The following CENPN variants were observed in gnomAD, a reference collection of about 807,000 sequenced individuals.
CENPN encodes interphase centromere complex protein 32.
In CENPN, 36 loss-of-function variants were observed where a neutral mutation model predicts 48.6. The observed-to-expected ratio is 0.74, with a 90% CI of 0.57 to 0.98. The LOEUF (loss-of-function observed/expected upper bound fraction) is 0.98, where lower values mean the gene tolerates loss of function less well. Among genes scored for constraint, CENPN ranks in the 50% least tolerant of loss-of-function variants. CENPN has a pLI of 0.00. For synonymous variants in CENPN, 166 were observed against 135.2 expected, an observed-to-expected ratio of 1.23 and a Z score of -1.58; for missense variants, 439 against 399.2, an observed-to-expected ratio of 1.10 and a Z score of -0.85.
chr16:81,014,910 A>G (rs140001223), intron 3 of CENPN, among the ~76,000 whole-genome samples: 2 of 152,328 alleles, frequency 1.3e-5, no homozygotes, highest in East Asian at 3.9e-4. Flanking sequence ...AGCATTTAGT[A>G]AGTTACATGA....
Position 81,028,607 on chromosome 16 carries a change from A to G in CENPN, c.976A>G (p.Ile326Val). 1 of 1,611,544 alleles carries G rather than the reference A, an allele frequency of 6.2e-7. No individual in the cohort carries two copies. The change falls in exon 11 of 11, where the codon ATA (isoleucine) becomes GTA (valine). Residue 326 changes from isoleucine to valine, a missense_variant. Ile to Val is a conservative substitution (Grantham distance 29). Transcript: ENST00000305850. ...DAPLSPLLTC[I>V]PNKRMNYFKI... ...TCCACTTTCTCCACTGCTCACTTGC[A>G]TACCCAACAAGAGAATGAATTATTT...
At chr16:81,028,427 A>G (rs1970612087) in intron 10 of CENPN, 130 bp downstream of exon 10, 2 of 1,465,160 alleles carry the variant, frequency 1.4e-6, no homozygotes, top group African/African-American at 1.4e-5. Context: ...TCTCTCTTGC[A>G]TCTTCTGCTT....
intron 2 of CENPN, 81 bp from the exon 3 acceptor site, chr16:81,014,054 TA>T: frequency 1.7e-6 from 2 of 1,151,918 alleles, no homozygotes; most frequent in Non-Finnish European, 2.6e-6. Flanking sequence ...TAGTCTGTTC[TA>T]ACCAATCCTA....
chr16:81,025,324 A>ACT (rs1318274604), intron 8 of CENPN, among the ~76,000 whole-genome samples: 11 of 152,356 alleles, frequency 7.2e-5, no homozygotes, highest in Non-Finnish European at 1.6e-4. Context: ...ACCCAAGAGA[A>ACT]AAGAGTACAG....
intron 5 of CENPN, among the ~76,000 whole-genome samples, chr16:81,019,134 T>A (rs143806017): frequency 8.0e-4 from 122 of 152,352 alleles, no homozygotes; most frequent in African/African-American, 2.8e-3. Flanking sequence ...AGGAATAGTA[T>A]ATTTTCAAGC....
At chr16:81,028,325 A>G (rs1380468224) in intron 10 of CENPN, 28 bp downstream of exon 10, 2 of 1,609,312 alleles carry the variant, frequency 1.2e-6, no homozygotes, top group Admixed American at 3.4e-5. Context: ...TCTATAAGCT[A>G]GAAAAATTAA....
chr16:81,023,146 A>G (rs1341305341), intron 7 of CENPN: 4 of 345,948 alleles, frequency 1.2e-5, no homozygotes, highest in African/African-American at 8.5e-5. Flanking sequence ...TGTTAAAATA[A>G]TTTGAATGTA....
At chr16:81,032,711 C>T (rs1271206044), downstream of CENPN, 18 of 1,593,080 alleles carry the variant, frequency 1.1e-5, no homozygotes, top group Non-Finnish European at 1.5e-5. Flanking sequence ...GATGTCACAA[C>T]ATTTAGACAT....
chr16:81,022,309 T>G, intron 6 of CENPN: 1 of 343,056 alleles, frequency 2.9e-6, no homozygotes, highest in Non-Finnish European at 5.4e-6. Context: ...ATTTTGAGTA[T>G]TTATTGTTTA....
chr16:81,021,769 T>TG (rs1240999195), intron 6 of CENPN, among the ~76,000 whole-genome samples: 2 of 151,982 alleles, frequency 1.3e-5, no homozygotes, highest in East Asian at 3.9e-4. Flanking sequence ...CTTTTTTTTT[T>TG]TTTGAGACAG....
In CENPN at chr16:81,012,024, G is replaced by A. The variant is rs1290794752; in HGVS notation, c.85G>A (p.Asp29Asn). 6.2e-7 allele frequency: 1 copy of A among 1,614,038 alleles called. No individual in the cohort carries two copies. The highest frequency in any genetic ancestry group is 8.5e-7 in the Non-Finnish European group (1 of 1,180,004). Reference sequence around the variant, plus strand: ...ACTGACAACAATCCTGAAGGCCTGGGATTTTTTGTCTGAAAATCAACTGCA... The same window carrying A: ...ACTGACAACAATCCTGAAGGCCTGGAATTTTTTGTCTGAAAATCAACTGCA... Reference protein sequence around the residue: ...NELTTILKAWDFLSENQLQTV... With the variant: ...NELTTILKAWNFLSENQLQTV... Residue 29 changes from aspartate (D) to asparagine (N), a missense_variant, in exon 2 of 11, where the codon GAT becomes AAT. Physicochemically the swap from Asp to Asn is conservative, Grantham distance 23. Transcript: ENST00000305850.
intron 2 of CENPN, among the ~76,000 whole-genome samples, chr16:81,013,293 T>C (rs993021074): frequency 4.6e-5 from 7 of 152,378 alleles, no homozygotes; most frequent in East Asian, 3.9e-4. Flanking sequence ...TACACACTTA[T>C]GTTAACATTC....
downstream of CENPN, chr16:81,032,483 C>G: frequency 7.3e-7 from 1 of 1,372,254 alleles, no homozygotes; most frequent in Non-Finnish European, 9.9e-7. Flanking sequence ...CTCCCCTCCC[C>G]ACCAGGCACG....
chr16:81,031,759 T>C (rs966705679), downstream of CENPN, among the ~76,000 whole-genome samples: 30 of 152,276 alleles, frequency 2.0e-4, no homozygotes, highest in African/African-American at 5.5e-4. Flanking sequence ...CGTGCCACCA[T>C]GCCCAGCTAA....
At chr16:81,024,453 G>C (rs1428180812) in intron 7 of CENPN, 1 of 245,208 alleles carries the variant, frequency 4.1e-6, no homozygotes, top group East Asian at 8.7e-5. Context: ...AAATGCTTCC[G>C]TAGATTCCCT....
intron 3 of CENPN, among the ~76,000 whole-genome samples, chr16:81,014,807 T>G (rs1319955692): frequency 6.6e-6 from 1 of 152,248 alleles, no homozygotes; most frequent in Non-Finnish European, 1.5e-5. Context: ...ACAGCTCAAC[T>G]TAAAAATTTT....
chr16:81,031,719 C>T (rs184653528), downstream of CENPN, among the ~76,000 whole-genome samples: 2 of 152,276 alleles, frequency 1.3e-5, no homozygotes, highest in African/African-American at 2.4e-5. Context: ...TCCTTGGTTG[C>T]CAGCTGTCCA....
chr16:81,028,818 A>G lies in CENPN; in HGVS notation c.*167A>G. The G allele has an allele frequency of 2.1e-6, 3 of 1,397,532 alleles. No homozygotes were observed. The highest frequency in any genetic ancestry group is 1.7e-5 in the South Asian group (1 of 58,936). 86.6% of individuals were successfully genotyped at this position (1,397,532 alleles called of 1,614,324 possible). A position where few individuals can be genotyped will look rare whatever the true frequency, so the allele number is the denominator to read the frequency against. ...ATTGTTGGGACTGATTCATTCCTCC[A>G]CGATATGCCTCCTCTCTCTGATATC... On this transcript the variant is annotated 3_prime_UTR_variant, in exon 11 of 11. Transcript: ENST00000305850.
chr16:81,028,678 T>A lies in CENPN; in HGVS notation c.*27T>A. The stretch of plus-strand genomic sequence containing the variant: ...ACGTGCGTGGTTTCTTAAGCACAGC[T>A]CCTCCTTCTTGATATTGCACATGCA... On this transcript the variant is annotated 3_prime_UTR_variant, in exon 11 of 11. Transcript: ENST00000305850. 1.3e-6 allele frequency: 2 copies of A among 1,599,530 alleles called. No homozygotes were observed. The highest frequency in any genetic ancestry group is 2.3e-5 in the South Asian group (2 of 87,682).
Sources: gnomAD v4.1 joint callset for allele counts (sites outside exome capture counted in the v4.1 genomes callset) on GRCh38, gnomAD v4.1.1 for gene constraint, MANE v1.5 for transcripts, NCBI Gene and HGNC (gene_info 2026-07-23, HGNC 2026-07-21) for gene names.